Variants in PTPN14 observed in about 807,000 individuals in gnomAD.
The protein encoded by PTPN14 is protein tyrosine phosphatase non-receptor type 14, also known as tyrosine-protein phosphatase non-receptor type 14.
In PTPN14, 53 loss-of-function variants were observed where a neutral mutation model predicts 126.8. The observed-to-expected ratio is 0.42, with a 90% confidence interval of 0.34 to 0.53. PTPN14 has a LOEUF of 0.53. Ranked by LOEUF, PTPN14 falls within the 20% of genes least tolerant of loss-of-function variation. The pLI is 0.08. For synonymous variants in PTPN14, 630 were observed against 599.3 expected, an observed-to-expected ratio of 1.05 and a Z score of -0.75; for missense variants, 1,257 against 1,552.9, an observed-to-expected ratio of 0.81 and a Z score of 3.20.
At chr1:214,427,011 T>C (rs954067261) in intron 3 of PTPN14, among the ~76,000 whole-genome samples, 3 of 152,190 alleles carry the variant, frequency 2.0e-5, no homozygotes, top group Admixed American at 2.0e-4. Flanking sequence ...GCCAGCGTGG[T>C]GGCTCACGCC....
intron 17 of PTPN14, among the ~76,000 whole-genome samples, chr1:214,367,580 GTCCC>G (rs1175414680): frequency 6.6e-6 from 1 of 152,082 alleles, no homozygotes; most frequent in Non-Finnish European, 1.5e-5. Context: ...CTGGATCATG[GTCCC>G]TCCATGGTGG....
intron 1 of PTPN14, among the ~76,000 whole-genome samples, chr1:214,546,456 G>A (rs17023173): frequency 0.042 from 6,333 of 152,262 alleles, 431 homozygotes; most frequent in African/African-American, 0.15. Context: ...AGGAACTGTG[G>A]CTAATTTTCA....
At chr1:214,374,382 G>T (rs1485087718) in intron 15 of PTPN14, among the ~76,000 whole-genome samples, 1 of 152,178 alleles carries the variant, frequency 6.6e-6, no homozygotes, top group Non-Finnish European at 1.5e-5. Context: ...TTTATCCGTG[G>T]AATTGTGATT....
chr1:214,548,502 T>C (rs1226904988), intron 1 of PTPN14, among the ~76,000 whole-genome samples: 1 of 152,244 alleles, frequency 6.6e-6, no homozygotes, highest in African/African-American at 2.4e-5. Flanking sequence ...GTCTTTCTCA[T>C]GCCTTATCTC....
chr1:214,507,129 A>G (rs1279671555), intron 1 of PTPN14, among the ~76,000 whole-genome samples: 1 of 152,336 alleles, frequency 6.6e-6, no homozygotes, highest in Admixed American at 6.5e-5. Context: ...AAAACTTCAC[A>G]GTTCCACATA....
intron 13 of PTPN14, among the ~76,000 whole-genome samples, chr1:214,382,569 T>C (rs1045206480): frequency 6.6e-6 from 1 of 152,174 alleles, no homozygotes. Context: ...TGGCTTCTAG[T>C]GCTCTTCCTA....
chr1:214,396,544 A>G (rs887935201), intron 8 of PTPN14, among the ~76,000 whole-genome samples: 4 of 152,194 alleles, frequency 2.6e-5, no homozygotes, highest in African/African-American at 7.2e-5. Context: ...AATCCTAGAT[A>G]TACTCGGAGC....
chr1:214,517,101 T>C (rs1174268384), intron 1 of PTPN14, among the ~76,000 whole-genome samples: 1 of 152,162 alleles, frequency 6.6e-6, no homozygotes, highest in Non-Finnish European at 1.5e-5. Context: ...TCCAGGCAAA[T>C]GTAATCGGTC....
chr1:214,548,856 G>C (rs1217362205), intron 1 of PTPN14, among the ~76,000 whole-genome samples: 1 of 152,132 alleles, frequency 6.6e-6, no homozygotes, highest in African/African-American at 2.4e-5. Flanking sequence ...AAGCCTAACT[G>C]TCCTTTCTAT....
rs74139875 is a variant in PTPN14, at chr1:214,454,708, C to T, written c.175-2734G>A. Among the ~76,000 whole-genome samples, 547 of 152,252 alleles carry T rather than the reference C, an allele frequency of 3.6e-3. 5 individuals are homozygous for T. The highest frequency in any genetic ancestry group is 0.013 in the African/African-American group (536 of 41,546). On this transcript the variant is annotated intron_variant, in intron 2 of 18. Coordinates refer to ENST00000366956, the MANE Select transcript of PTPN14 (RefSeq NM_005401.5). ...AGTAAACCACTTCTAATAGAAAAAC[C>T]TAATTCATGGCATAAATTTATCACT...
At chr1:214,369,315 A>G (rs916706879) in intron 17 of PTPN14, 142 bp downstream of exon 17, 16 of 729,340 alleles carry the variant, frequency 2.2e-5, no homozygotes, top group Non-Finnish European at 3.4e-5. Flanking sequence ...CATAGTAAGA[A>G]AGGAATATAT....
At chr1:214,395,631 A>ACG (rs1658860781) in intron 8 of PTPN14, among the ~76,000 whole-genome samples, 7 of 148,344 alleles carry the variant, frequency 4.7e-5, no homozygotes, top group Admixed American at 4.1e-4. Context: ...ACACACACAC[A>ACG]CACAGAGTTT....
At chr1:214,415,673 C>G (rs889749219) in intron 3 of PTPN14, among the ~76,000 whole-genome samples, 15 of 152,312 alleles carry the variant, frequency 9.8e-5, no homozygotes, top group Middle Eastern at 3.4e-3. Context: ...TTACTGCTGG[C>G]TCTACCATGT....
chr1:214,372,889 T>C (rs772962170), intron 15 of PTPN14, 50 bp from the exon 16 acceptor site: 11 of 1,599,268 alleles, frequency 6.9e-6, no homozygotes, highest in Non-Finnish European at 9.4e-6. Context: ...CCGGACAACA[T>C]TACCTGCTGA....
At chr1:214,414,843 T>C (rs1398642344) in intron 3 of PTPN14, 117 bp from the exon 4 acceptor site, 15 of 780,304 alleles carry the variant, frequency 1.9e-5, no homozygotes, top group South Asian at 1.4e-4. Flanking sequence ...ATGCCTGTGA[T>C]GCTGATAAAG....
chr1:214,366,173 C>T (rs541011793), intron 17 of PTPN14, among the ~76,000 whole-genome samples: 21 of 151,880 alleles, frequency 1.4e-4, no homozygotes, highest in African/African-American at 5.1e-4. Context: ...AGCAAAACTC[C>T]GCCTCAATTA....
chr1:214,451,708 C>T, intron 3 of PTPN14, 97 bp downstream of exon 3: 3 of 1,410,130 alleles, frequency 2.1e-6, no homozygotes, highest in Non-Finnish European at 2.9e-6. Context: ...CGCACCCACA[C>T]CCACACACCC....
In PTPN14 at chr1:214,364,386, TG is replaced by T; in HGVS notation, c.3435+125del. On this transcript the variant is annotated intron_variant, in intron 18 of 18. Coordinates refer to ENST00000366956, the MANE Select transcript of PTPN14 (RefSeq NM_005401.5). The surrounding 1 kb of genome is among the most constrained non-coding windows in gnomAD (Gnocchi z 4.1). Reference sequence around the variant, plus strand: ...AGAGTCAAACTAGGAACCAGGAGCCTGGAAAACTCTGGTTGGGAGACAGGAA... The same window carrying T: ...AGAGTCAAACTAGGAACCAGGAGCCTGAAAACTCTGGTTGGGAGACAGGAA... The T allele has an allele frequency of 7.9e-7, 1 of 1,273,530 alleles. No individual in the cohort carries two copies. The highest frequency in any genetic ancestry group is 1.1e-6 in the Non-Finnish European group (1 of 929,606). 78.9% of individuals were successfully genotyped at this position (1,273,530 alleles called of 1,614,324 possible).
chr1:214,403,078 C>CA, intron 5 of PTPN14, 125 bp from the exon 6 acceptor site: 1 of 861,808 alleles, frequency 1.2e-6, no homozygotes, highest in Non-Finnish European at 1.9e-6. Context: ...ATCTCCTTTA[C>CA]TGCTGTAGAA....
Sources: allele counts gnomAD v4.1 joint callset (sites outside exome capture counted in the v4.1 genomes callset), GRCh38; gene constraint gnomAD v4.1.1; non-coding constraint Gnocchi (gnomAD v3.1); transcripts MANE v1.5; gene names NCBI Gene and HGNC (gene_info 2026-07-23, HGNC 2026-07-21).